PTPRT: variants seen among roughly 807,000 people sequenced by gnomAD.
The protein encoded by PTPRT is protein tyrosine phosphatase receptor type T.
PTPRT carries 56 observed loss-of-function variants against 176.8 expected under a neutral mutation model. The observed-to-expected ratio is 0.32, with a 90% CI of 0.26 to 0.40. The LOEUF (loss-of-function observed/expected upper bound fraction) is 0.40, where lower values mean the gene tolerates loss of function less well. Ranked by LOEUF, PTPRT falls within the 10% of genes least tolerant of loss-of-function variation. The pLI, the probability that PTPRT is intolerant of heterozygous loss-of-function variation, is 1.00. For missense variants in PTPRT, 1,540 were observed against 1,908.2 expected (o/e 0.81, Z 3.60); for synonymous variants, 783 against 739.0 (o/e 1.06, Z -0.96).
intron 9 of PTPRT, among the ~76,000 whole-genome samples, chr20:42,392,052 C>T (rs2058804935): frequency 6.6e-6 from 1 of 152,166 alleles, no homozygotes; most frequent in African/African-American, 2.4e-5. Flanking sequence ...CTGCCCCAAG[C>T]CCTCCCTTGT....
intron 2 of PTPRT, among the ~76,000 whole-genome samples, chr20:42,878,270 A>T (rs951687872): frequency 1.3e-5 from 2 of 152,322 alleles, no homozygotes; most frequent in Admixed American, 6.5e-5. Flanking sequence ...TTTAGAAAAC[A>T]TGGTTTTATG....
At chr20:42,778,854 C>G (rs1292837915) in intron 4 of PTPRT, among the ~76,000 whole-genome samples, 3 of 152,114 alleles carry the variant, frequency 2.0e-5, no homozygotes, top group African/African-American at 7.2e-5. Flanking sequence ...AAACATTTCC[C>G]CAGGCATGAC....
chr20:42,715,189 CA>C (rs2076204856), intron 6 of PTPRT, among the ~76,000 whole-genome samples: 1 of 152,028 alleles, frequency 6.6e-6, no homozygotes. Flanking sequence ...AACTGCTTAC[CA>C]GGATAAAATT....
chr20:42,989,452 C>T (rs1212770701), intron 1 of PTPRT, among the ~76,000 whole-genome samples: 2 of 152,188 alleles, frequency 1.3e-5, no homozygotes, highest in East Asian at 3.9e-4. Context: ...TACCTTGGCC[C>T]ATGTGGCTGG....
chr20:42,204,605 G>A (rs1024497080), intron 15 of PTPRT, among the ~76,000 whole-genome samples: 4 of 152,164 alleles, frequency 2.6e-5, no homozygotes, highest in Non-Finnish European at 4.4e-5. Context: ...ACGAGGTGAC[G>A]CGGCCATAGC....
intron 6 of PTPRT, among the ~76,000 whole-genome samples, chr20:42,720,913 T>C (rs2076293096): frequency 6.6e-6 from 1 of 152,196 alleles, no homozygotes; most frequent in African/African-American, 2.4e-5. Context: ...CCTCCTGGCA[T>C]GCAGCCCTGT....
chr20:42,911,976 CTTTTTT>C (rs11475084), intron 1 of PTPRT, among the ~76,000 whole-genome samples: 3 of 124,322 alleles, frequency 2.4e-5, no homozygotes, highest in Non-Finnish European at 5.0e-5. Flanking sequence ...ATCCTCTTTT[CTTTTTT>C]TTTTTTTTTT....
chr20:42,110,557 C>T, intron 22 of PTPRT, 70 bp from the exon 23 acceptor site: 2 of 1,507,472 alleles, frequency 1.3e-6, no homozygotes, highest in Non-Finnish European at 8.9e-7. Flanking sequence ...ACACGTGGAG[C>T]CATAGCTGCT....
At chr20:42,289,368 T>C (rs1173302341) in intron 12 of PTPRT, among the ~76,000 whole-genome samples, 3 of 151,992 alleles carry the variant, frequency 2.0e-5, no homozygotes, top group African/African-American at 4.8e-5. Context: ...AGAAAATATT[T>C]GTAAACTATG....
intron 9 of PTPRT, among the ~76,000 whole-genome samples, chr20:42,361,227 G>C (rs879381750): frequency 3.9e-5 from 6 of 152,172 alleles, no homozygotes; most frequent in African/African-American, 1.4e-4. Flanking sequence ...ATGCCTGTCC[G>C]GCACAGAGTT....
At chr20:42,526,149 A>G (rs1366556911) in intron 7 of PTPRT, among the ~76,000 whole-genome samples, 2 of 152,126 alleles carry the variant, frequency 1.3e-5, no homozygotes, top group African/African-American at 4.8e-5. Context: ...TCCCCAGAAC[A>G]CAATGTGATA....
intron 11 of PTPRT, among the ~76,000 whole-genome samples, chr20:42,349,211 T>A (rs757312883): frequency 6.6e-6 from 1 of 152,196 alleles, no homozygotes; most frequent in Non-Finnish European, 1.5e-5. Flanking sequence ...TAGCTGCCCA[T>A]GTCCTTCAAA....
At chr20:42,896,189 C>T (rs529282386) in intron 1 of PTPRT, among the ~76,000 whole-genome samples, 6 of 151,998 alleles carry the variant, frequency 3.9e-5, no homozygotes, top group South Asian at 2.1e-4. Flanking sequence ...ATGCACTCAG[C>T]GTCAGATCAG....
intron 1 of PTPRT, among the ~76,000 whole-genome samples, chr20:43,187,940 T>C (rs1397084030): frequency 6.6e-6 from 1 of 152,218 alleles, no homozygotes. Flanking sequence ...GGCGGGAGCA[T>C]CCGGAACGGG....
intron 6 of PTPRT, among the ~76,000 whole-genome samples, chr20:42,748,069 T>C (rs1202038775): frequency 2.0e-5 from 3 of 152,056 alleles, no homozygotes; most frequent in Non-Finnish European, 4.4e-5. Flanking sequence ...TAAAGTTTTA[T>C]TGGCACATAA....
At chr20:42,415,383 T>TTTGC (rs1318737690) in intron 9 of PTPRT, among the ~76,000 whole-genome samples, 1 of 151,856 alleles carries the variant, frequency 6.6e-6, no homozygotes. Flanking sequence ...TGTTTGTTTG[T>TTTGC]TTGTTTTTTG....
At chr20:42,175,186 G>T (rs181472303) in intron 16 of PTPRT, among the ~76,000 whole-genome samples, 2 of 152,186 alleles carry the variant, frequency 1.3e-5, no homozygotes, top group Admixed American at 1.3e-4. Context: ...TTTATTGGAT[G>T]CCCACTGTCC....
intron 2 of PTPRT, among the ~76,000 whole-genome samples, chr20:42,801,574 G>C (rs2077531570): frequency 1.3e-5 from 2 of 152,196 alleles, no homozygotes; most frequent in African/African-American, 4.8e-5. Context: ...GGGAACAGCA[G>C]TCAGCATGGA....
intron 11 of PTPRT, among the ~76,000 whole-genome samples, chr20:42,320,821 G>A (rs537059872): frequency 6.6e-6 from 1 of 152,286 alleles, no homozygotes; most frequent in East Asian, 1.9e-4. Flanking sequence ...TATTGGCTAT[G>A]TCTGCACCAG....
Sources: gnomAD v4.1 joint callset for allele counts (sites outside exome capture counted in the v4.1 genomes callset) on GRCh38, gnomAD v4.1.1 for gene constraint, MANE v1.5 for transcripts, NCBI Gene and HGNC (gene_info 2026-07-23, HGNC 2026-07-21) for gene names.